SYT1: variants seen among roughly 807,000 people sequenced by gnomAD.
The protein encoded by SYT1 is synaptotagmin 1.
In SYT1, 8 loss-of-function variants were observed where a neutral mutation model predicts 44.8. The observed-to-expected ratio is 0.18, with a 90% CI of 0.10 to 0.32. The LOEUF (loss-of-function observed/expected upper bound fraction) is 0.32. Ranked by LOEUF, SYT1 falls within the 10% of genes least tolerant of loss-of-function variation. SYT1 has a pLI of 1.00. For missense variants in SYT1, 286 were observed against 509.3 expected (o/e 0.56, Z 4.22); for synonymous variants, 154 against 188.8 (o/e 0.82, Z 1.51).
At chr12:79,305,657 G>A (rs1196215320) in intron 8 of SYT1, among the ~76,000 whole-genome samples, 1 of 152,120 alleles carries the variant, frequency 6.6e-6, no homozygotes, top group Non-Finnish European at 1.5e-5. Context: ...GTTTACACGG[G>A]CAATGCCATA....
Position 79,277,124 on chromosome 12 carries a change from CA to C in SYT1, c.167-8658del, listed in dbSNP as rs61378178. Among the ~76,000 whole-genome samples, 636 of 151,974 alleles carry C rather than the reference CA, an allele frequency of 4.2e-3. 8 individuals carry two copies. Among genetic ancestry groups the C allele is most frequent in the African/African-American group, 0.015 (618 of 41,440 alleles). On this transcript the variant is annotated intron_variant, in intron 4 of 10. Transcript: ENST00000261205. ...TGCTGGAATATTAGACATCTAGACA[CA>C]AAAAGCTCAAAGAACTCCTGGGAGA...
chr12:79,105,633 C>G (rs1592752894), intron 3 of SYT1, among the ~76,000 whole-genome samples: 1 of 152,168 alleles, frequency 6.6e-6, no homozygotes, highest in South Asian at 2.1e-4. Context: ...GTAATCCCAG[C>G]ACTTTGGTAG....
intron 3 of SYT1, among the ~76,000 whole-genome samples, chr12:79,101,842 G>A (rs1404410463): frequency 6.6e-6 from 1 of 152,098 alleles, no homozygotes; most frequent in Non-Finnish European, 1.5e-5. Flanking sequence ...ACAGGTCGAG[G>A]CTGCAATGAG....
At chr12:79,345,691 C>A (rs911963717) in intron 8 of SYT1, among the ~76,000 whole-genome samples, 14 of 152,188 alleles carry the variant, frequency 9.2e-5, no homozygotes, top group Admixed American at 8.5e-4. Context: ...GCAGATACTT[C>A]AGGAGTATGA....
At chr12:79,192,656 T>C (rs1040603222) in intron 3 of SYT1, among the ~76,000 whole-genome samples, 9 of 152,138 alleles carry the variant, frequency 5.9e-5, no homozygotes, top group African/African-American at 2.2e-4. Flanking sequence ...CTGAATGACC[T>C]TGCTGGTAGG....
chr12:79,076,798 C>T (rs1876688249), intron 3 of SYT1, among the ~76,000 whole-genome samples: 1 of 152,082 alleles, frequency 6.6e-6, no homozygotes, highest in African/African-American at 2.4e-5. Context: ...GTGAAACCCC[C>T]TGTCTACTAA....
At chr12:79,214,874 A>G (rs576901027) in intron 3 of SYT1, among the ~76,000 whole-genome samples, 1 of 152,218 alleles carries the variant, frequency 6.6e-6, no homozygotes, top group Non-Finnish European at 1.5e-5. Context: ...TGTGTGTCAC[A>G]TCTGGTGTTT....
At chr12:79,291,197 T>G (rs1879563935) in intron 5 of SYT1, among the ~76,000 whole-genome samples, 1 of 152,202 alleles carries the variant, frequency 6.6e-6, no homozygotes, top group South Asian at 2.1e-4. Flanking sequence ...TTATAAAGAG[T>G]ATTCAATTGG....
At chr12:79,222,451 G>T (rs1195904613) in intron 4 of SYT1, among the ~76,000 whole-genome samples, 2 of 150,460 alleles carry the variant, frequency 1.3e-5, no homozygotes, top group Non-Finnish European at 2.9e-5. Context: ...GCACGATCTT[G>T]CCTCACTGCA....
chr12:79,060,222 G>T (rs571080708), intron 3 of SYT1, among the ~76,000 whole-genome samples: 1 of 151,870 alleles, frequency 6.6e-6, no homozygotes, highest in Non-Finnish European at 1.5e-5. Context: ...TTTCAGAAAA[G>T]TTATCCACGT....
intron 3 of SYT1, among the ~76,000 whole-genome samples, chr12:79,117,681 AT>A (rs1187344927): frequency 1.4e-5 from 1 of 71,034 alleles, no homozygotes; most frequent in Non-Finnish European, 2.9e-5. Flanking sequence ...ATATATATAT[AT>A]ATATATATAT....
chr12:78,938,368 A>T (rs888837814), intron 1 of SYT1, among the ~76,000 whole-genome samples: 5 of 152,174 alleles, frequency 3.3e-5, no homozygotes, highest in African/African-American at 1.2e-4. Context: ...CTAGTAGTGG[A>T]ATAGAAATTG....
At chr12:79,429,781 T>C (rs1055380787) in intron 9 of SYT1, among the ~76,000 whole-genome samples, 5 of 152,192 alleles carry the variant, frequency 3.3e-5, no homozygotes, top group African/African-American at 4.8e-5. Context: ...TTTTAATTTA[T>C]AACTTTTAAC....
At chr12:78,911,434 G>A (rs530548966) in intron 1 of SYT1, among the ~76,000 whole-genome samples, 1 of 151,918 alleles carries the variant, frequency 6.6e-6, no homozygotes, top group African/African-American at 2.4e-5. Context: ...TGAACCTTGG[G>A]GTGCGCCAAC....
chr12:79,024,570 A>G (rs1181922875), intron 2 of SYT1, among the ~76,000 whole-genome samples: 3 of 151,804 alleles, frequency 2.0e-5, no homozygotes, highest in Admixed American at 2.0e-4. Context: ...ACACTCATTC[A>G]TTCAACAAAC....
At chr12:78,924,102 T>C (rs145615902) in intron 1 of SYT1, among the ~76,000 whole-genome samples, 45 of 152,046 alleles carry the variant, frequency 3.0e-4, no homozygotes, top group African/African-American at 1.1e-3. Flanking sequence ...TGTTTCCTCA[T>C]GATGAAATTT....
At chr12:79,242,062 C>T (rs1188979156) in intron 4 of SYT1, among the ~76,000 whole-genome samples, 1 of 152,184 alleles carries the variant, frequency 6.6e-6, no homozygotes, top group East Asian at 1.9e-4. Flanking sequence ...ACAGTATGGC[C>T]TTCCAATACT....
At chr12:79,292,173 G>A in intron 6 of SYT1, 43 bp downstream of exon 6, 1 of 1,581,930 alleles carries the variant, frequency 6.3e-7, no homozygotes, top group African/African-American at 1.4e-5. Flanking sequence ...TACATTTTCT[G>A]AAATTACCAA....
At chr12:79,179,460 TATATAG>T (rs1249738383) in intron 3 of SYT1, among the ~76,000 whole-genome samples, 2 of 78,416 alleles carry the variant, frequency 2.6e-5, no homozygotes, top group African/African-American at 1.2e-4. Context: ...AGATATAATC[TATATAG>T]ATATAGATAT....
Sources: allele counts gnomAD v4.1 joint callset (sites outside exome capture counted in the v4.1 genomes callset), GRCh38; gene constraint gnomAD v4.1.1; transcripts MANE v1.5; gene names NCBI Gene and HGNC (gene_info 2026-07-23, HGNC 2026-07-21).